KDM4C: variants seen among roughly 807,000 people sequenced by gnomAD.
The protein encoded by KDM4C is lysine-specific demethylase 4C.
Under a neutral mutation model 129.3 loss-of-function variants are expected in KDM4C, and 81 were observed. The observed-to-expected ratio is 0.63, with a 90% CI of 0.52 to 0.75. The LOEUF (loss-of-function observed/expected upper bound fraction) is 0.75. KDM4C is among the 30% of genes least tolerant of loss of function. KDM4C has a pLI of 0.00. For synonymous variants in KDM4C, 573 were observed against 456.1 expected (o/e 1.26, Z -3.26); for missense variants, 1,457 against 1,304.0 (o/e 1.12, Z -1.81).
At chr9:6,759,372 G>A (rs1818929967) in intron 1 of KDM4C, among the ~76,000 whole-genome samples, 1 of 152,104 alleles carries the variant, frequency 6.6e-6, no homozygotes, top group African/African-American at 2.4e-5. Context: ...GAAAACTAGT[G>A]GTTTTAATTT....
At chr9:6,897,396 G>A (rs1328908360) in intron 8 of KDM4C, among the ~76,000 whole-genome samples, 1 of 152,078 alleles carries the variant, frequency 6.6e-6, no homozygotes, top group Non-Finnish European at 1.5e-5. Context: ...CCCTCAATGA[G>A]GATCATTCTG....
chr9:6,871,879 T>G (rs1302967348), intron 5 of KDM4C, among the ~76,000 whole-genome samples: 1 of 152,186 alleles, frequency 6.6e-6, no homozygotes, highest in Admixed American at 6.5e-5. Flanking sequence ...TGTGTGCACA[T>G]TGAGCAGCAT....
In KDM4C at chr9:6,995,961, C is replaced by T. The variant is rs1249564401; in HGVS notation, c.1786+5437C>T. Among the ~76,000 whole-genome samples the T allele has an allele frequency of 2.0e-5, 3 of 152,354 alleles. No individual in the cohort carries two copies. The East Asian group carries it at 5.8e-4, about 29-fold the overall frequency. On this transcript the variant is annotated intron_variant, in intron 12 of 21. Coordinates refer to ENST00000381309, the MANE Select transcript of KDM4C (RefSeq NM_015061.6). The stretch of plus-strand genomic sequence containing the variant: ...GGGATTACAGGCGTGAGCCACCGCG[C>T]CCGGCCCTGCAGGTTTTAAGTTTTA...
exon 1 of KDM4C, chr9:6,720,933 G>A (rs1588022441): frequency 3.2e-6 from 5 of 1,551,252 alleles, no homozygotes; most frequent in Non-Finnish European, 4.4e-6. Context: ...ATGTGGAAGA[G>A]GCTAAAGGAT....
chr9:6,839,028 G>A (rs34608321), intron 4 of KDM4C, among the ~76,000 whole-genome samples: 9 of 152,094 alleles, frequency 5.9e-5, no homozygotes, highest in South Asian at 2.1e-4. Context: ...TTCTCCATGC[G>A]TGTTACCTTT....
intron 12 of KDM4C, among the ~76,000 whole-genome samples, chr9:6,994,264 C>G (rs1242298242): frequency 6.6e-6 from 1 of 152,116 alleles, no homozygotes; most frequent in Non-Finnish European, 1.5e-5. Flanking sequence ...TGGTACTATT[C>G]TATATCCTGG....
intron 8 of KDM4C, among the ~76,000 whole-genome samples, chr9:6,930,726 TATA>T (rs1200201470): frequency 2.1e-5 from 3 of 145,340 alleles, no homozygotes; most frequent in East Asian, 2.0e-4. Context: ...ATTATTATAA[TATA>T]ATAATTATAT....
chr9:6,950,861 A>G (rs1247038628), intron 8 of KDM4C, among the ~76,000 whole-genome samples: 1 of 152,150 alleles, frequency 6.6e-6, no homozygotes, highest in Non-Finnish European at 1.5e-5. Flanking sequence ...GCTGTGGCTG[A>G]GTTAAAATCT....
intron 15 of KDM4C, among the ~76,000 whole-genome samples, chr9:7,019,518 A>T (rs1824276937): frequency 2.0e-5 from 3 of 151,594 alleles, no homozygotes; most frequent in Admixed American, 2.0e-4. Context: ...TTCCTATAGC[A>T]TATTCAGTTT....
intron 17 of KDM4C, among the ~76,000 whole-genome samples, chr9:7,088,463 G>A (rs373985467): frequency 2.6e-5 from 4 of 152,092 alleles, no homozygotes; most frequent in African/African-American, 9.7e-5. Context: ...CAAAAACATT[G>A]ATTTCAAAAC....
At chr9:7,158,310 G>A (rs1843407363) in intron 19 of KDM4C, among the ~76,000 whole-genome samples, 1 of 128,998 alleles carries the variant, frequency 7.8e-6, no homozygotes, top group South Asian at 2.6e-4. Context: ...CCAGCTCCTG[G>A]ATTCATTGAT....
At chr9:6,748,099 G>T (rs180765952) in intron 1 of KDM4C, among the ~76,000 whole-genome samples, 29 of 152,074 alleles carry the variant, frequency 1.9e-4, no homozygotes, top group Admixed American at 1.3e-4. Context: ...CCGGGAGGCA[G>T]AGGTTGCAGT....
intron 5 of KDM4C, among the ~76,000 whole-genome samples, chr9:6,856,912 C>T (rs962007466): frequency 2.6e-4 from 39 of 152,044 alleles, no homozygotes; most frequent in African/African-American, 7.5e-4. Flanking sequence ...CGCCCGCCAC[C>T]GCGCCCGGCT....
In KDM4C at chr9:7,135,729, A is replaced by AG. The variant is rs138970834; in HGVS notation, c.2781+7493_2781+7494insG. ...CCCAAGGAAGTTGGAAAGACTAAGA[A>AG]AAAAGCCATTCCCAGAAACTTTTTC... is the stretch of plus-strand genomic sequence containing the variant. On this transcript the variant is annotated intron_variant, in intron 19 of 21. Transcript: ENST00000381309. Among the ~76,000 whole-genome samples the AG allele has an allele frequency of 6.4e-3, 970 of 152,340 alleles. 13 individuals carry two copies. Among genetic ancestry groups the AG allele is most frequent in the African/African-American group, 0.022 (915 of 41,584 alleles).
chr9:7,103,365 T>C (rs1048946846), intron 17 of KDM4C, among the ~76,000 whole-genome samples: 2 of 152,210 alleles, frequency 1.3e-5, no homozygotes, highest in Non-Finnish European at 2.9e-5. Flanking sequence ...GGATTATTTA[T>C]AGGAGCACCT....
At chr9:6,930,520 TATA>T in intron 8 of KDM4C, among the ~76,000 whole-genome samples, 1 of 140,114 alleles carries the variant, frequency 7.1e-6, no homozygotes. Flanking sequence ...TATGTACATA[TATA>T]ATATGAATAT....
intron 12 of KDM4C, among the ~76,000 whole-genome samples, chr9:6,994,432 A>G (rs1056313738): frequency 3.3e-5 from 5 of 151,884 alleles, no homozygotes; most frequent in African/African-American, 9.7e-5. Context: ...TTCCACCTCT[A>G]CCGCCCATAG....
chr9:6,794,736 A>G (rs1291997258), intron 2 of KDM4C, among the ~76,000 whole-genome samples: 2 of 152,060 alleles, frequency 1.3e-5, no homozygotes, highest in Non-Finnish European at 2.9e-5. Flanking sequence ...GTGCCAGATA[A>G]TATTCTTAAA....
chr9:6,879,235 C>A lies in KDM4C; in HGVS notation c.630-777C>A, dbSNP rs115461417. 5.4e-3 allele frequency among the ~76,000 whole-genome samples: 816 copies of A among 152,054 alleles called. 7 individuals carry two copies. Among genetic ancestry groups the A allele is most frequent in the African/African-American group, 0.019 (786 of 41,464 alleles). On this transcript the variant is annotated intron_variant, in intron 5 of 21. Coordinates refer to ENST00000381309, the MANE Select transcript of KDM4C (RefSeq NM_015061.6). ...ATTATTCAAATTTATTGTTAATATC[C>A]TCATTAAATTTCCTCATTAAAATGC... is the stretch of plus-strand genomic sequence containing the variant.
Sources: gnomAD v4.1 joint callset for allele counts (sites outside exome capture counted in the v4.1 genomes callset) on GRCh38, gnomAD v4.1.1 for gene constraint, MANE v1.5 for transcripts, NCBI Gene and HGNC (gene_info 2026-07-23, HGNC 2026-07-21) for gene names.